The following STAB2 variants were observed in gnomAD, a reference collection of about 807,000 sequenced individuals.
STAB2 encodes stabilin 2.
STAB2 carries 288 observed loss-of-function variants against 338.1 expected under a neutral mutation model. The ratio of observed to expected loss-of-function variants is 0.85; its 90% CI spans 0.77 to 0.94. STAB2 has a LOEUF of 0.94. STAB2 is among the 40% of genes least tolerant of loss of function. The pLI is 0.00. For synonymous variants in STAB2, 1,202 were observed against 1,193.3 expected (o/e 1.01, Z -0.15); for missense variants, 3,141 against 3,210.1 (o/e 0.98, Z 0.52).
At chr12:103,709,807 G>A (rs1011500242) in intron 39 of STAB2, among the ~76,000 whole-genome samples, 1 of 152,140 alleles carries the variant, frequency 6.6e-6, no homozygotes, top group African/African-American at 2.4e-5. Flanking sequence ...GAGGGAAGCA[G>A]GAAGCAATGG....
rs368164086 is a variant in STAB2, at chr12:103,673,993, G to A, written c.2458G>A (p.Gly820Arg). 1.0e-4 allele frequency: 166 copies of A among 1,614,072 alleles called. No individual in the cohort carries two copies. Among genetic ancestry groups the A allele is most frequent in the African/African-American group, 5.6e-4 (42 of 75,046 alleles). Residue 820 changes from glycine (G) to arginine (R), a missense_variant, in exon 23 of 69, where the codon GGG becomes AGG. Physicochemically the swap from Gly to Arg is moderately radical, Grantham distance 125. Transcript: ENST00000388887. ...TGGCACATGCAGAGACGGCTCTGCC[G>A]GGAGACTCTGTGATAAGCAGACCTC... ...LTGTCRDGSA[G>R]RLCDKQTSAC...
At chr12:103,736,275 C>A (rs1226304598) in intron 52 of STAB2, among the ~76,000 whole-genome samples, 1 of 152,164 alleles carries the variant, frequency 6.6e-6, no homozygotes, top group African/African-American at 2.4e-5. Context: ...GCTGGAGCTC[C>A]AGGCACCATG....
At chr12:103,600,361 C>A (rs1170053371) in intron 3 of STAB2, among the ~76,000 whole-genome samples, 1 of 152,208 alleles carries the variant, frequency 6.6e-6, no homozygotes, top group Non-Finnish European at 1.5e-5. Flanking sequence ...AAGGTGATCT[C>A]TTAGTCAGCT....
At position 103,681,298 on chromosome 12, in the gene STAB2, G is replaced by GA. The variant is rs569347914; in HGVS notation, c.2806-1897dup. ...GTTGGCAGATTGCACTTGAGAAAAGGAAAAAAAAAATGACTTGGTGTCTGT... is the reference window on the plus strand; with the variant it reads ...GTTGGCAGATTGCACTTGAGAAAAGGAAAAAAAAAAATGACTTGGTGTCTGT... On this transcript the variant is annotated intron_variant, in intron 25 of 68. Coordinates refer to ENST00000388887, the MANE Select transcript of STAB2 (RefSeq NM_017564.10). Among the ~76,000 whole-genome samples, 292 of 148,110 alleles carry GA rather than the reference G, an allele frequency of 2.0e-3. 4 individuals are homozygous for GA. The South Asian group carries it at 0.048, about 24-fold the overall frequency.
chr12:103,635,037 T>C (rs576117594), intron 6 of STAB2, among the ~76,000 whole-genome samples: 80 of 152,304 alleles, frequency 5.3e-4, no homozygotes, highest in Non-Finnish European at 1.1e-3. Flanking sequence ...ATAGTCTCTG[T>C]GAACTATTTT....
chr12:103,679,525 A>G (rs749251929), intron 25 of STAB2, among the ~76,000 whole-genome samples: 1 of 152,106 alleles, frequency 6.6e-6, no homozygotes, highest in Non-Finnish European at 1.5e-5. Flanking sequence ...GCAAATCCTC[A>G]ACGTTGACAT....
intron 31 of STAB2, among the ~76,000 whole-genome samples, chr12:103,694,917 T>G (rs1019957770): frequency 6.6e-6 from 1 of 151,902 alleles, no homozygotes; most frequent in African/African-American, 2.4e-5. Context: ...TAGAAGACAT[T>G]AGGGAGTGGT....
chr12:103,718,985 A>C (rs1419263867), intron 44 of STAB2, among the ~76,000 whole-genome samples: 1 of 152,232 alleles, frequency 6.6e-6, no homozygotes. Context: ...CGATCCTGGC[A>C]GGAGCAGGAT....
intron 8 of STAB2, among the ~76,000 whole-genome samples, chr12:103,638,527 A>C (rs887620051): frequency 6.6e-6 from 1 of 152,270 alleles, no homozygotes; most frequent in East Asian, 1.9e-4. Flanking sequence ...ACTGTTGAAC[A>C]TATGATTGAC....
At chr12:103,724,718 T>C (rs1244973041) in intron 44 of STAB2, among the ~76,000 whole-genome samples, 2 of 152,154 alleles carry the variant, frequency 1.3e-5, no homozygotes, top group Non-Finnish European at 2.9e-5. Context: ...ATTTGGCAAC[T>C]CTGGGCTTAC....
Position 103,673,984 on chromosome 12 carries a change from G to A in STAB2, c.2449G>A (p.Gly817Ser), listed in dbSNP as rs144951897. ...CTGCCTCACTGGCACATGCAGAGACGGCTCTGCCGGGAGACTCTGTGATAA... is the reference window on the plus strand; with the variant it reads ...CTGCCTCACTGGCACATGCAGAGACAGCTCTGCCGGGAGACTCTGTGATAA... Reference protein sequence around the residue: ...GACLTGTCRDGSAGRLCDKQT... With the variant: ...GACLTGTCRDSSAGRLCDKQT... Residue 817 changes from glycine to serine, a missense_variant, in exon 23 of 69, where the codon GGC becomes AGC. Gly to Ser is a moderately conservative substitution (Grantham distance 56). Transcript: ENST00000388887. 677 of 1,614,112 alleles carry A rather than the reference G, an allele frequency of 4.2e-4. 2 individuals are homozygous for A. The Admixed American group carries it at 7.9e-3, about 19-fold the overall frequency.
chr12:103,610,265 C>G (rs140292231), intron 3 of STAB2, among the ~76,000 whole-genome samples: 5,468 of 152,246 alleles, frequency 0.036, 326 homozygotes, highest in African/African-American at 0.12. Flanking sequence ...AGGAATGGTA[C>G]CAACTCCTCC....
intron 5 of STAB2, among the ~76,000 whole-genome samples, chr12:103,627,632 C>T (rs1422825064): frequency 6.6e-6 from 1 of 152,230 alleles, no homozygotes; most frequent in African/African-American, 2.4e-5. Context: ...TCAGAGGCTT[C>T]CAAAAGCTGC....
At chr12:103,652,803 T>A in intron 12 of STAB2, 98 bp downstream of exon 12, 1 of 1,356,368 alleles carries the variant, frequency 7.4e-7, no homozygotes, top group Non-Finnish European at 9.8e-7. Flanking sequence ...TGTGAAAAAT[T>A]ACAAGGAAAT....
intron 5 of STAB2, among the ~76,000 whole-genome samples, chr12:103,622,902 G>C (rs1957324457): frequency 6.6e-6 from 1 of 152,124 alleles, no homozygotes; most frequent in Non-Finnish European, 1.5e-5. Flanking sequence ...TTAAACCGTG[G>C]GCCCCACCTA....
At chr12:103,615,997 G>A (rs1026363116) in intron 3 of STAB2, among the ~76,000 whole-genome samples, 3 of 152,146 alleles carry the variant, frequency 2.0e-5, no homozygotes, top group Non-Finnish European at 4.4e-5. Context: ...TAATGAGGAG[G>A]GCCTTGGAAA....
At chr12:103,757,659 T>C (rs768457000) in intron 63 of STAB2, among the ~76,000 whole-genome samples, 3 of 152,088 alleles carry the variant, frequency 2.0e-5, no homozygotes, top group Non-Finnish European at 2.9e-5. Context: ...GGGAAGAACA[T>C]TCCAGGCAGA....
chr12:103,600,092 G>T (rs745959713), intron 3 of STAB2, among the ~76,000 whole-genome samples: 3 of 152,194 alleles, frequency 2.0e-5, no homozygotes, highest in Admixed American at 6.5e-5. Context: ...TCATTTAGAT[G>T]TGAAAATGAG....
Position 103,670,794 on chromosome 12 carries a change from T to C in STAB2, c.2358T>C (p.Pro786=). Residue 786 remains proline, a synonymous_variant, in exon 22 of 69, where the codon CCT becomes CCC. Transcript: ENST00000388887. ...GCTCTGATCCCAATAAATACGGACCTCGGTGTAACAAAAGTAAGTGGCACT... is the reference window on the plus strand; with the variant it reads ...GCTCTGATCCCAATAAATACGGACCCCGGTGTAACAAAAGTAAGTGGCACT... ...QFCSDPNKYG[P]RCNKKCLCVH... The C allele has an allele frequency of 6.2e-7, 1 of 1,613,874 alleles. No homozygotes were observed.
Sources: allele counts gnomAD v4.1 joint callset (sites outside exome capture counted in the v4.1 genomes callset), GRCh38; gene constraint gnomAD v4.1.1; transcripts MANE v1.5; gene names NCBI Gene and HGNC (gene_info 2026-07-23, HGNC 2026-07-21).